The following MGRN1 variants were observed in gnomAD, a reference collection of about 807,000 sequenced individuals.
MGRN1 encodes mahogunin ring finger 1, also known as E3 ubiquitin-protein ligase MGRN1.
Under a neutral mutation model 69.2 loss-of-function variants are expected in MGRN1, and 29 were observed. The observed-to-expected ratio is 0.42, with a 90% CI of 0.31 to 0.57. MGRN1 has a LOEUF of 0.57. Among genes scored for constraint, MGRN1 ranks in the 20% least tolerant of loss-of-function variants. MGRN1 has a pLI of 0.15. For synonymous variants in MGRN1, 470 were observed against 344.2 expected (o/e 1.37, Z -4.04); for missense variants, 998 against 796.2 (o/e 1.25, Z -3.05).
At chr16:4,667,208 CT>C (rs2078825229) in intron 7 of MGRN1, among the ~76,000 whole-genome samples, 1 of 152,254 alleles carries the variant, frequency 6.6e-6, no homozygotes, top group Non-Finnish European at 1.5e-5. Context: ...GCCGCAGCCC[CT>C]GAGAGCTCTA....
chr16:4,668,377 G>C, intron 8 of MGRN1, 65 bp downstream of exon 8: 1 of 1,529,060 alleles, frequency 6.5e-7, no homozygotes, highest in South Asian at 1.1e-5. Context: ...TCACTCACAC[G>C]CATACTCATA....
At chr16:4,668,139 C>G in intron 7 of MGRN1, 126 bp from the exon 8 acceptor site, 1,671 of 381,030 alleles carry the variant, frequency 4.4e-3, no homozygotes, top group Middle Eastern at 7.7e-3. Flanking sequence ...TTTTTTTTTT[C>G]TTTTTTCTTT....
At chr16:4,635,466 T>C (rs1898232540) in intron 1 of MGRN1, among the ~76,000 whole-genome samples, 1 of 151,862 alleles carries the variant, frequency 6.6e-6, no homozygotes, top group Non-Finnish European at 1.5e-5. Context: ...GGCTAACATA[T>C]TCTTTTTTTT....
At chr16:4,650,066 GCTGAGGCGGGCGGATTAC>G (rs923210710) in intron 1 of MGRN1, 1 of 224,884 alleles carries the variant, frequency 4.4e-6, no homozygotes, top group African/African-American at 2.5e-5. Context: ...ACCTTGGGAG[GCTGAGGCGGGCGGATTAC>G]CTGAGGCCGG....
chr16:4,633,720 T>TAAA (rs1898129607), intron 1 of MGRN1: 35 of 151,144 alleles, frequency 2.3e-4, no homozygotes, highest in Middle Eastern at 3.2e-3. Flanking sequence ...TAAAAAAAAT[T>TAAA]ATTATTATTA....
At chr16:4,643,246 C>T (rs565560563) in intron 1 of MGRN1, among the ~76,000 whole-genome samples, 1 of 152,158 alleles carries the variant, frequency 6.6e-6, no homozygotes, top group African/African-American at 2.4e-5. Flanking sequence ...AGGCACGAGC[C>T]ACTGAGCCTG....
At chr16:4,648,746 C>T (rs2078334585) in intron 1 of MGRN1, among the ~76,000 whole-genome samples, 1 of 123,582 alleles carries the variant, frequency 8.1e-6, no homozygotes, top group Admixed American at 7.9e-5. Context: ...GGACTCTTCC[C>T]GTGGTCACCC....
rs932799292 is a variant in MGRN1 at position 4,689,237 on chromosome 16, C to T, written c.*329C>T. 2.5e-5 allele frequency: 7 copies of T among 285,632 alleles called. No individual in the cohort carries two copies. The Admixed American group carries it at 3.0e-4, about 12-fold the overall frequency. 17.7% of individuals were successfully genotyped at this position (285,632 alleles called of 1,614,324 possible). The stretch of plus-strand genomic sequence containing the variant: ...GTGGCCTCCGCTGGCTCTGCCTGCT[C>T]CTGCAACAGTGCGGTCCCTGCCCGG... On this transcript the variant is annotated 3_prime_UTR_variant, in exon 17 of 17. Coordinates refer to ENST00000262370, the MANE Select transcript of MGRN1 (RefSeq NM_015246.4).
At chr16:4,649,323 C>T (rs992330824) in intron 1 of MGRN1, 2 of 152,264 alleles carry the variant, frequency 1.3e-5, no homozygotes, top group African/African-American at 4.8e-5. Context: ...GACAAATGAC[C>T]TCTAACCGTG....
At chr16:4,652,173 G>C (rs183979980) in intron 3 of MGRN1, 122 bp downstream of exon 3, 12 of 873,744 alleles carry the variant, frequency 1.4e-5, no homozygotes, top group Non-Finnish European at 2.1e-5. Flanking sequence ...GCGCCCTCCC[G>C]TGTGGAATGA....
chr16:4,640,325 G>C (rs151056573), intron 1 of MGRN1: 1 of 152,350 alleles, frequency 6.6e-6, no homozygotes, highest in African/African-American at 2.4e-5. Context: ...GATGACAAAC[G>C]TATGTATCCT....
At chr16:4,636,266 C>G (rs1294144924) in intron 1 of MGRN1, among the ~76,000 whole-genome samples, 2 of 151,962 alleles carry the variant, frequency 1.3e-5, no homozygotes, top group African/African-American at 4.8e-5. Flanking sequence ...GGAACCACCC[C>G]CCTGACTTCC....
intron 7 of MGRN1, among the ~76,000 whole-genome samples, chr16:4,665,381 T>C (rs1181249997): frequency 6.6e-6 from 1 of 151,122 alleles, no homozygotes; most frequent in Non-Finnish European, 1.5e-5. Context: ...TTTTTTTCTT[T>C]CCTGAGCCGG....
intron 1 of MGRN1, among the ~76,000 whole-genome samples, chr16:4,643,385 T>C (rs908847386): frequency 4.7e-5 from 7 of 150,122 alleles, no homozygotes; most frequent in African/African-American, 1.2e-4. Flanking sequence ...CGTGAGCTAC[T>C]GTACCCGGCC....
At chr16:4,630,213 G>A (rs1044628422) in intron 1 of MGRN1, among the ~76,000 whole-genome samples, 10 of 151,608 alleles carry the variant, frequency 6.6e-5, no homozygotes, top group African/African-American at 2.4e-4. Flanking sequence ...TTAGTTGGGT[G>A]TGGCAGCATG....
chr16:4,674,219 A>G (rs2079003863), intron 10 of MGRN1, among the ~76,000 whole-genome samples: 1 of 151,764 alleles, frequency 6.6e-6, no homozygotes, highest in Non-Finnish European at 1.5e-5. Context: ...CCTGGCCTCA[A>G]GTAATCTGCC....
chr16:4,631,051 G>A (rs1429648393), intron 1 of MGRN1, among the ~76,000 whole-genome samples: 1 of 151,082 alleles, frequency 6.6e-6, no homozygotes, highest in Non-Finnish European at 1.5e-5. Context: ...CAAAGTCCTG[G>A]ACTCAAGCAA....
chr16:4,682,702 T>C, intron 13 of MGRN1, 121 bp from the exon 14 acceptor site: 2 of 1,183,440 alleles, frequency 1.7e-6, no homozygotes, highest in Non-Finnish European at 2.3e-6. Flanking sequence ...CCAGGGAGTG[T>C]CCTTGCGTGG....
chr16:4,638,694 T>C (rs2078087255), intron 1 of MGRN1, among the ~76,000 whole-genome samples: 2 of 151,932 alleles, frequency 1.3e-5, no homozygotes, highest in Admixed American at 1.3e-4. Flanking sequence ...CCACCTGGGG[T>C]TTATTGGCAA....
Sources: gnomAD v4.1 joint callset for allele counts (sites outside exome capture counted in the v4.1 genomes callset) on GRCh38, gnomAD v4.1.1 for gene constraint, MANE v1.5 for transcripts, NCBI Gene and HGNC (gene_info 2026-07-23, HGNC 2026-07-21) for gene names.